The following ASXL3 variants were observed in gnomAD, a reference collection of about 807,000 sequenced individuals.
The protein encoded by ASXL3 is putative Polycomb group protein ASXL3.
In ASXL3, 34 loss-of-function variants were observed where a neutral mutation model predicts 170.6. The observed-to-expected ratio is 0.20, with a 90% CI of 0.15 to 0.27. The LOEUF (loss-of-function observed/expected upper bound fraction) is 0.27, where lower values mean the gene tolerates loss of function less well. ASXL3 is among the 10% of genes least tolerant of loss of function. The pLI, the probability that ASXL3 is intolerant of heterozygous loss-of-function variation, is 1.00. For missense variants in ASXL3, 2,592 were observed against 2,695.3 expected (o/e 0.96, Z 0.85); for synonymous variants, 1,002 against 989.1 (o/e 1.01, Z -0.24).
rs1352280755 is a variant in ASXL3 at position 33,748,722 on chromosome 18, A to G, written c.*2127A>G. 2.0e-5 allele frequency: 3 copies of G among 152,244 alleles called. No individual in the cohort carries two copies. The highest frequency in any genetic ancestry group is 4.8e-5 in the African/African-American group (2 of 41,454). The allele number at this position is 152,244 out of a possible 1,614,324, so 9.4% of individuals were successfully genotyped here. ...TCTCACAGCGGGGCACCCCTATAAT[A>G]TAGACACTTGCATGCCAACTCCTTC... On this transcript the variant is annotated 3_prime_UTR_variant, in exon 12 of 12. Coordinates refer to ENST00000269197, the MANE Select transcript of ASXL3 (RefSeq NM_030632.3).
At chr18:33,584,808 A>G (rs1032807293) in intron 1 of ASXL3, among the ~76,000 whole-genome samples, 1 of 152,124 alleles carries the variant, frequency 6.6e-6, no homozygotes, top group Non-Finnish European at 1.5e-5. Flanking sequence ...GGCTGGGACA[A>G]TATATATGTA....
At chr18:33,630,904 A>G (rs969703092) in intron 2 of ASXL3, among the ~76,000 whole-genome samples, 14 of 152,014 alleles carry the variant, frequency 9.2e-5, no homozygotes, top group Non-Finnish European at 1.5e-5. Flanking sequence ...AACATGTAAT[A>G]TGTGTTTTAT....
chr18:33,715,620 A>ACAC (rs2067152384), intron 8 of ASXL3, among the ~76,000 whole-genome samples: 1 of 152,148 alleles, frequency 6.6e-6, no homozygotes, highest in African/African-American at 2.4e-5. Context: ...TGTGTGACTA[A>ACAC]TATTTTTGTT....
At chr18:33,580,142 A>T (rs966478116) in intron 1 of ASXL3, among the ~76,000 whole-genome samples, 1 of 152,204 alleles carries the variant, frequency 6.6e-6, no homozygotes, top group Non-Finnish European at 1.5e-5. Context: ...TTATTTCTCC[A>T]CTTATCTGTG....
chr18:33,714,547 T>C (rs1411812817), intron 8 of ASXL3, among the ~76,000 whole-genome samples: 1 of 152,200 alleles, frequency 6.6e-6, no homozygotes. Context: ...CCAAAACACA[T>C]GGTTCGTTCT....
In ASXL3 at chr18:33,745,558, T is replaced by A; in HGVS notation, c.5710T>A (p.Cys1904Ser). 6.2e-7 allele frequency: 1 copy of A among 1,613,968 alleles called. No homozygotes were observed. The highest frequency in any genetic ancestry group is 8.5e-7 in the Non-Finnish European group (1 of 1,179,884). Reference sequence around the variant, plus strand: ...ACAGCAAAAGCGGCTGCTCCCCTCGTGTAGCTTCCAGCAGAACCTATTTCA... The same window carrying A: ...ACAGCAAAAGCGGCTGCTCCCCTCGAGTAGCTTCCAGCAGAACCTATTTCA... ...VKQQKRLLPS[C>S]SFQQNLFHVD... Residue 1904 changes from cysteine to serine, a missense_variant, in exon 12 of 12, where the codon TGT (cysteine) becomes AGT (serine). Transcript: ENST00000269197.
chr18:33,693,522 A>AT (rs1428286643), intron 8 of ASXL3, among the ~76,000 whole-genome samples: 1 of 152,104 alleles, frequency 6.6e-6, no homozygotes, highest in Non-Finnish European at 1.5e-5. Flanking sequence ...TTTCCCCTGG[A>AT]TGGTAGTGTA....
intron 1 of ASXL3, among the ~76,000 whole-genome samples, chr18:33,583,931 A>G (rs2065013670): frequency 6.6e-6 from 1 of 152,226 alleles, no homozygotes; most frequent in African/African-American, 2.4e-5. Flanking sequence ...TGAGGATACA[A>G]AGATACATCC....
At chr18:33,637,674 T>G (rs527253874) in intron 2 of ASXL3, among the ~76,000 whole-genome samples, 72 of 152,260 alleles carry the variant, frequency 4.7e-4, no homozygotes, top group Admixed American at 1.4e-3. Context: ...GGAAATAATT[T>G]TTTTGAGCTT....
chr18:33,589,882 C>T (rs771966006), intron 1 of ASXL3, among the ~76,000 whole-genome samples: 1 of 151,992 alleles, frequency 6.6e-6, no homozygotes. Flanking sequence ...ATTGCTTAAT[C>T]CTGTGAGTAA....
intron 8 of ASXL3, among the ~76,000 whole-genome samples, chr18:33,708,230 C>T (rs1435555844): frequency 6.6e-6 from 1 of 152,106 alleles, no homozygotes; most frequent in Non-Finnish European, 1.5e-5. Context: ...GTAAAGTTAG[C>T]TAGACTAGAG....
Position 33,744,384 on chromosome 18 carries a change from G to A in ASXL3, c.4536G>A (p.Gln1512=), listed in dbSNP as rs538610692. 2 of 1,613,878 alleles carry A rather than the reference G, an allele frequency of 1.2e-6. No individual in the cohort carries two copies. Among genetic ancestry groups the A allele is most frequent in the African/African-American group, 1.3e-5 (1 of 75,050 alleles). The change falls in exon 12 of 12, where the codon CAG becomes CAA. Residue 1512 remains glutamine, a synonymous_variant. Coordinates refer to ENST00000269197, the MANE Select transcript of ASXL3 (RefSeq NM_030632.3). ...GRPVRTEASV[Q]PVACPQVSVI... is the part of the protein sequence containing the mutation. The stretch of plus-strand genomic sequence containing the variant: ...CAGTGAGGACAGAGGCATCCGTACA[G>A]CCCGTGGCGTGTCCTCAGGTGTCTG...
At chr18:33,624,666 C>T (rs758881676) in intron 2 of ASXL3, among the ~76,000 whole-genome samples, 12 of 152,064 alleles carry the variant, frequency 7.9e-5, no homozygotes, top group Non-Finnish European at 1.8e-4. Context: ...TGTGTCTGCA[C>T]CGTCATCCAA....
At chr18:33,601,598 G>T (rs1311577001) in intron 1 of ASXL3, among the ~76,000 whole-genome samples, 3 of 151,648 alleles carry the variant, frequency 2.0e-5, no homozygotes, top group Non-Finnish European at 4.4e-5. Context: ...AGCCTATTTA[G>T]TAGTGCTACA....
At chr18:33,712,535 C>A (rs761685587) in intron 8 of ASXL3, among the ~76,000 whole-genome samples, 1 of 152,150 alleles carries the variant, frequency 6.6e-6, no homozygotes, top group Non-Finnish European at 1.5e-5. Flanking sequence ...TACTAGCTGA[C>A]GAGTGTTCTT....
At chr18:33,606,709 C>T (rs1427374227) in intron 1 of ASXL3, among the ~76,000 whole-genome samples, 1 of 151,972 alleles carries the variant, frequency 6.6e-6, no homozygotes, top group Admixed American at 6.6e-5. Context: ...TAGGTGTCAT[C>T]TACCCTTGGA....
chr18:33,656,388 C>A (rs2066084757), intron 4 of ASXL3, among the ~76,000 whole-genome samples: 1 of 152,014 alleles, frequency 6.6e-6, no homozygotes, highest in African/African-American at 2.4e-5. Flanking sequence ...CCCTCCTTGT[C>A]TTTATTAGGT....
At chr18:33,641,212 T>G (rs929737868) in intron 2 of ASXL3, among the ~76,000 whole-genome samples, 1 of 152,104 alleles carries the variant, frequency 6.6e-6, no homozygotes, top group African/African-American at 2.4e-5. Flanking sequence ...TTTGATAATA[T>G]AAAGCAATAG....
intron 11 of ASXL3, 100 bp from the exon 12 acceptor site, chr18:33,742,788 G>C (rs2067686158): frequency 7.0e-7 from 1 of 1,431,586 alleles, no homozygotes; most frequent in East Asian, 2.4e-5. Flanking sequence ...TATTAGGAGA[G>C]AATGCAGCTA....
Sources: gnomAD v4.1 joint callset for allele counts (sites outside exome capture counted in the v4.1 genomes callset) on GRCh38, gnomAD v4.1.1 for gene constraint, MANE v1.5 for transcripts, NCBI Gene and HGNC (gene_info 2026-07-23, HGNC 2026-07-21) for gene names.